The following BTBD10 variants were observed in gnomAD, a reference collection of about 807,000 sequenced individuals.
BTBD10 encodes BTB domain containing 10.
A neutral mutation model predicts 53.2 loss-of-function variants in BTBD10; 21 were observed. That is an observed-to-expected ratio of 0.39 (90% CI 0.28 to 0.57). The LOEUF is 0.57. BTBD10 is among the 20% of genes least tolerant of loss of function. The pLI, the probability that BTBD10 is intolerant of heterozygous loss-of-function variation, is 0.53. For synonymous variants in BTBD10, 149 were observed against 192.7 expected (o/e 0.77, Z 1.88); for missense variants, 360 against 594.7 (o/e 0.61, Z 4.10).
chr11:13,439,923 GA>G (rs1189482525), intron 2 of BTBD10: 2 of 1,533,446 alleles, frequency 1.3e-6, no homozygotes, highest in Admixed American at 3.9e-5. Context: ...ACAAAAACAA[GA>G]AAAAAATTTT....
rs575537936 is a variant in BTBD10 at position 13,455,017 on chromosome 11, T to C, written c.-58+8075A>G. The stretch of plus-strand genomic sequence containing the variant: ...CCTCTGCCTCCCGGGTTCAAGCAAT[T>C]CTCCTTCCTCAGCCTCCCAAGTAGC... On this transcript the variant is annotated intron_variant, in intron 1 of 8. Coordinates refer to ENST00000278174, the MANE Select transcript of BTBD10 (RefSeq NM_032320.7). 2.6e-5 allele frequency among the ~76,000 whole-genome samples: 4 copies of C among 152,292 alleles called. No homozygotes were observed. In the East Asian group the frequency reaches 7.7e-4, roughly 29 times the overall value.
intron 2 of BTBD10, among the ~76,000 whole-genome samples, chr11:13,433,739 G>C (rs1950497183): frequency 6.6e-6 from 1 of 152,148 alleles, no homozygotes; most frequent in African/African-American, 2.4e-5. Flanking sequence ...TGAGTGGTTA[G>C]GACAGAGACT....
chr11:13,447,090 T>C (rs1356172514), intron 1 of BTBD10, among the ~76,000 whole-genome samples: 8 of 152,202 alleles, frequency 5.3e-5, no homozygotes, highest in Non-Finnish European at 1.5e-5. Context: ...TCCTCAAGTA[T>C]AAACTATTTC....
intron 8 of BTBD10, among the ~76,000 whole-genome samples, chr11:13,400,390 T>C (rs1233076716): frequency 6.6e-6 from 1 of 152,198 alleles, no homozygotes; most frequent in Non-Finnish European, 1.5e-5. Flanking sequence ...GTGAAGCCCG[T>C]TGGAAAAGTG....
At chr11:13,411,988 C>T (rs1022473833) in intron 6 of BTBD10, among the ~76,000 whole-genome samples, 6 of 152,038 alleles carry the variant, frequency 3.9e-5, no homozygotes, top group Admixed American at 2.0e-4. Flanking sequence ...TGCACCACCA[C>T]GCCTGGCTAA....
chr11:13,398,243 A>C (rs1373931910), intron 8 of BTBD10, among the ~76,000 whole-genome samples: 3 of 152,162 alleles, frequency 2.0e-5, no homozygotes, highest in African/African-American at 7.2e-5. Context: ...GGGTGCATAT[A>C]TATTTAGGAT....
At chr11:13,427,534 A>G (rs1950364689) in intron 2 of BTBD10, among the ~76,000 whole-genome samples, 1 of 152,190 alleles carries the variant, frequency 6.6e-6, no homozygotes, top group African/African-American at 2.4e-5. Flanking sequence ...ATCATCAGAG[A>G]TTTCATCACC....
intron 2 of BTBD10, among the ~76,000 whole-genome samples, chr11:13,441,902 G>A (rs1003248204): frequency 6.6e-6 from 1 of 152,068 alleles, no homozygotes; most frequent in African/African-American, 2.4e-5. Flanking sequence ...CATGATTCTA[G>A]CCAATGACTG....
In BTBD10 at chr11:13,434,694, G is replaced by A. The variant is rs140565425; in HGVS notation, c.101+10330C>T. On this transcript the variant is annotated intron_variant, in intron 2 of 8. Transcript: ENST00000278174. ...TCACTCTAGCTGCAAAGCAAACAAT[G>A]GGAGAATGGGAGAAAGGAGACAAAG... Among the ~76,000 whole-genome samples the A allele has an allele frequency of 4.6e-5, 7 of 152,300 alleles. No homozygotes were observed. The East Asian group carries it at 1.3e-3, about 29-fold the overall frequency.
chr11:13,443,749 A>G (rs1346165849), intron 2 of BTBD10, among the ~76,000 whole-genome samples: 1 of 152,034 alleles, frequency 6.6e-6, no homozygotes, highest in African/African-American at 2.4e-5. Context: ...ATTCCCGGCT[A>G]ATTTTTGTAT....
intron 6 of BTBD10, among the ~76,000 whole-genome samples, chr11:13,410,830 C>T (rs1372499721): frequency 6.6e-6 from 1 of 152,044 alleles, no homozygotes; most frequent in Non-Finnish European, 1.5e-5. Flanking sequence ...AAGACCAGAG[C>T]AGAAACTATA....
At chr11:13,404,414 G>C (rs552341151) in intron 7 of BTBD10, 1 of 163,132 alleles carries the variant, frequency 6.1e-6, no homozygotes, top group Non-Finnish European at 1.3e-5. Context: ...AAAACACCAG[G>C]TTTATTATCA....
At chr11:13,451,207 G>C (rs1201587259) in intron 1 of BTBD10, among the ~76,000 whole-genome samples, 1 of 152,170 alleles carries the variant, frequency 6.6e-6, no homozygotes, top group African/African-American at 2.4e-5. Context: ...GGCAGAAAAA[G>C]CAGGCAGAGA....
At chr11:13,418,985 TTTTTTTA>T (rs1391090687) in intron 4 of BTBD10, among the ~76,000 whole-genome samples, 5 of 149,838 alleles carry the variant, frequency 3.3e-5, no homozygotes, top group Middle Eastern at 6.8e-3. Flanking sequence ...TTTTTTTTTT[TTTTTTTA>T]AAAGTATCTA....
chr11:13,399,833 G>C (rs979109953), intron 8 of BTBD10, among the ~76,000 whole-genome samples: 1 of 152,156 alleles, frequency 6.6e-6, no homozygotes, highest in African/African-American at 2.4e-5. Flanking sequence ...GTTTACCTTG[G>C]TATCAGCAGC....
intron 2 of BTBD10, among the ~76,000 whole-genome samples, chr11:13,441,060 C>G (rs1165873721): frequency 6.6e-6 from 1 of 152,046 alleles, no homozygotes; most frequent in Non-Finnish European, 1.5e-5. Flanking sequence ...TATAACTATA[C>G]AACTACTCAC....
chr11:13,399,378 G>A (rs1488001376), intron 8 of BTBD10, among the ~76,000 whole-genome samples: 5 of 152,162 alleles, frequency 3.3e-5, no homozygotes, highest in African/African-American at 1.2e-4. Flanking sequence ...TAGTTCTCGT[G>A]CCGTGGCTTT....
chr11:13,392,302 G>A (rs796971484), intron 8 of BTBD10, among the ~76,000 whole-genome samples: 1 of 152,156 alleles, frequency 6.6e-6, no homozygotes, highest in South Asian at 2.1e-4. Context: ...ATTGGGATGG[G>A]CAGAAACAAG....
At chr11:13,402,236 C>G (rs1006783799) in intron 8 of BTBD10, among the ~76,000 whole-genome samples, 1 of 152,142 alleles carries the variant, frequency 6.6e-6, no homozygotes, top group South Asian at 2.1e-4. Flanking sequence ...TCTCAGCAGC[C>G]CATTACTATT....
Sources: gnomAD v4.1 joint callset for allele counts (sites outside exome capture counted in the v4.1 genomes callset) on GRCh38, gnomAD v4.1.1 for gene constraint, MANE v1.5 for transcripts, NCBI Gene and HGNC (gene_info 2026-07-23, HGNC 2026-07-21) for gene names.